Variants in ACTR3C observed in about 807,000 individuals in gnomAD.
ACTR3C encodes the protein actin-related protein 3C.
ACTR3C carries 18 observed loss-of-function variants against 26.3 expected under a neutral mutation model. The observed-to-expected ratio is 0.68, with a 90% CI of 0.47 to 1.01. The LOEUF (loss-of-function observed/expected upper bound fraction) is 1.01, where lower values mean the gene tolerates loss of function less well. Ranked by LOEUF, ACTR3C falls within the 50% of genes least tolerant of loss-of-function variation. The pLI is 0.00. For synonymous variants in ACTR3C, 55 were observed against 94.5 expected, an observed-to-expected ratio of 0.58 and a Z score of 2.42; for missense variants, 184 against 250.7, an observed-to-expected ratio of 0.73 and a Z score of 1.80.
At chr7:149,957,459 A>G in the ACTR3C span, among the ~76,000 whole-genome samples, 5 of 152,156 alleles carry the variant, frequency 3.3e-5, no homozygotes, top group African/African-American at 1.2e-4. Context: ...AAGGCAGAGG[A>G]AAGGTGAATT....
the ACTR3C span, among the ~76,000 whole-genome samples, chr7:150,115,241 CTT>C: frequency 2.0e-5 from 3 of 152,186 alleles, no homozygotes; most frequent in Non-Finnish European, 2.9e-5. Flanking sequence ...AACCCCAACT[CTT>C]TCATTCCTTA....
the ACTR3C span, among the ~76,000 whole-genome samples, chr7:150,144,947 G>A: frequency 4.5e-3 from 682 of 151,594 alleles, 1 homozygote; most frequent in Middle Eastern, 0.021. This position sits in a 1 kb window ranked among gnomAD's most constrained non-coding sequence, Gnocchi z 4.6. Context: ...CTACTAGGAC[G>A]GCTGAAGCAG....
At chr7:150,127,196 T>C in the ACTR3C span, among the ~76,000 whole-genome samples, 1 of 147,730 alleles carries the variant, frequency 6.8e-6, no homozygotes, top group African/African-American at 2.5e-5. Context: ...ACACGAGCGA[T>C]GGTGAACACG....
At chr7:150,129,101 AT>A in the ACTR3C span, among the ~76,000 whole-genome samples, 3 of 151,588 alleles carry the variant, frequency 2.0e-5, no homozygotes, top group Non-Finnish European at 4.4e-5. Flanking sequence ...CTCAATACTT[AT>A]CTGTGTAAAA....
the ACTR3C span, among the ~76,000 whole-genome samples, chr7:150,103,062 GGTGTGTGTGTATGT>G: frequency 7.0e-6 from 1 of 142,226 alleles, no homozygotes; most frequent in African/African-American, 2.9e-5. Flanking sequence ...ATACAAAACA[GGTGTGTGTGTATGT>G]GTGTGTGTGT....
At chr7:150,032,959 A>C in the ACTR3C span, among the ~76,000 whole-genome samples, 1 of 152,118 alleles carries the variant, frequency 6.6e-6, no homozygotes, top group Non-Finnish European at 1.5e-5. Flanking sequence ...CAGCTTGCTG[A>C]TGTGCAAAAG....
chr7:150,232,344 C>T, the ACTR3C span, among the ~76,000 whole-genome samples: 5 of 152,220 alleles, frequency 3.3e-5, no homozygotes, highest in African/African-American at 9.6e-5. Context: ...GGCTTCTTTA[C>T]ACCGTTTAGA....
chr7:150,046,833 C>T, the ACTR3C span, among the ~76,000 whole-genome samples: 1 of 144,654 alleles, frequency 6.9e-6, no homozygotes, highest in Non-Finnish European at 1.5e-5. Flanking sequence ...GCAAATCCAA[C>T]CTTTGAAACC....
the ACTR3C span, among the ~76,000 whole-genome samples, chr7:149,923,414 A>G: frequency 7.2e-4 from 110 of 152,282 alleles, no homozygotes; most frequent in African/African-American, 2.6e-3. Context: ...ATGGACAAAT[A>G]TATATATATC....
the ACTR3C span, among the ~76,000 whole-genome samples, chr7:150,134,428 G>C: frequency 0.15 from 12,719 of 85,034 alleles, 154 homozygotes; most frequent in Middle Eastern, 0.24. Context: ...CCCTGCAAGG[G>C]TGAGGATGCG....
the ACTR3C span, among the ~76,000 whole-genome samples, chr7:149,972,140 A>C: frequency 0.012 from 1,813 of 152,216 alleles, 30 homozygotes; most frequent in African/African-American, 0.041. Context: ...TCCCAGCTTC[A>C]CCGGCCCTGC....
chr7:150,288,865 G>A (rs1231768093), intron 4 of ACTR3C, among the ~76,000 whole-genome samples: 1 of 150,954 alleles, frequency 6.6e-6, no homozygotes, highest in African/African-American at 2.5e-5. Flanking sequence ...AAAACACCTC[G>A]GGAATCATCT....
the ACTR3C span, among the ~76,000 whole-genome samples, chr7:150,180,200 G>C: frequency 4.7e-5 from 7 of 150,120 alleles, no homozygotes; most frequent in East Asian, 1.4e-3. Flanking sequence ...AGCTACTCGG[G>C]AGGCTGAGGC....
chr7:150,005,816 C>T, the ACTR3C span, among the ~76,000 whole-genome samples: 7 of 152,212 alleles, frequency 4.6e-5, no homozygotes. Flanking sequence ...TCTCTGCTGC[C>T]TACAAACTAG....
the ACTR3C span, among the ~76,000 whole-genome samples, chr7:150,020,420 C>T: frequency 2.6e-5 from 4 of 152,080 alleles, no homozygotes; most frequent in South Asian, 6.2e-4. Flanking sequence ...GTTTCTGTTT[C>T]AAAGAGCTGT....
chr7:150,004,312 C>A, the ACTR3C span: 1 of 151,792 alleles, frequency 6.6e-6, no homozygotes, highest in Non-Finnish European at 1.5e-5. Flanking sequence ...CCTCACCTGC[C>A]CATGTACTAA....
chr7:150,270,909 G>C (rs1000372727), intron 6 of ACTR3C, among the ~76,000 whole-genome samples: 2 of 152,052 alleles, frequency 1.3e-5, no homozygotes, highest in African/African-American at 4.8e-5. Context: ...ATCTTTTCAG[G>C]AACTCTTGCT....
At chr7:149,984,564 C>T in the ACTR3C span, among the ~76,000 whole-genome samples, 16 of 151,174 alleles carry the variant, frequency 1.1e-4, 1 homozygote, top group South Asian at 3.1e-3. Context: ...TTTCCTTATT[C>T]CTCCACTGTT....
At chr7:149,935,805 T>C in the ACTR3C span, among the ~76,000 whole-genome samples, 1 of 152,134 alleles carries the variant, frequency 6.6e-6, no homozygotes, top group African/African-American at 2.4e-5. Flanking sequence ...TTTTTGGATA[T>C]ATCTATTATA....
Sources: allele counts gnomAD v4.1 joint callset (sites outside exome capture counted in the v4.1 genomes callset), GRCh38; gene constraint gnomAD v4.1.1; non-coding constraint Gnocchi (gnomAD v3.1); transcripts MANE v1.5; gene names NCBI Gene and HGNC (gene_info 2026-07-23, HGNC 2026-07-21).